FREM3: variants seen among roughly 807,000 people sequenced by gnomAD.
FREM3 encodes the protein FRAS1-related extracellular matrix protein 3.
In FREM3, 105 loss-of-function variants were observed where a neutral mutation model predicts 129.1. That is an observed-to-expected ratio of 0.81 (90% CI 0.69 to 0.96). The LOEUF (loss-of-function observed/expected upper bound fraction) is 0.96, where lower values mean the gene tolerates loss of function less well. Among genes scored for constraint, FREM3 ranks in the 40% least tolerant of loss-of-function variants. FREM3 has a pLI of 0.00. For missense variants in FREM3, 2,593 were observed against 2,666.3 expected (o/e 0.97, Z 0.61); for synonymous variants, 1,014 against 1,044.9 (o/e 0.97, Z 0.57).
chr4:143,697,552 C>A lies in FREM3; in HGVS notation c.3124G>T (p.Asp1042Tyr), dbSNP rs1283289306. The change falls in exon 1 of 8, where the codon GAT (aspartate) becomes TAT (tyrosine). Residue 1042 changes from aspartate (D) to tyrosine (Y), a missense_variant. By Grantham distance (160) the Asp-to-Tyr change is radical. Around this residue, in one of 2 missense-constraint regions of FREM3, gnomAD observed 2,276 missense variants for 2,267.2 expected, o/e 1.00. Coordinates refer to ENST00000329798, the MANE Select transcript of FREM3 (RefSeq NM_001168235.2). ...TTCCCCACTACCCATTGGTAAGAAT[C>A]TTTGGAGAGGATGAGGCTGAAGGCA... ...HDAFSLILSK[D>Y]SYQWVVGNSI... is the part of the protein sequence containing the mutation. 1 of 1,537,428 alleles carries A rather than the reference C, an allele frequency of 6.5e-7. No homozygotes were observed. The highest frequency in any genetic ancestry group is 8.7e-7 in the Non-Finnish European group (1 of 1,146,966).
chr4:143,691,892 T>A (rs1740477716), intron 2 of FREM3, among the ~76,000 whole-genome samples: 1 of 152,170 alleles, frequency 6.6e-6, no homozygotes, highest in African/African-American at 2.4e-5. Flanking sequence ...ATATTTGTCT[T>A]ACATTTATTT....
At chr4:143,636,506 G>T (rs1739236849) in intron 2 of FREM3, among the ~76,000 whole-genome samples, 1 of 151,916 alleles carries the variant, frequency 6.6e-6, no homozygotes, top group Admixed American at 6.6e-5. Context: ...GACTATTAAA[G>T]TAATAATAGA....
chr4:143,695,198 A>G (rs905913566), intron 1 of FREM3, among the ~76,000 whole-genome samples: 1 of 152,238 alleles, frequency 6.6e-6, no homozygotes, highest in African/African-American at 2.4e-5. Context: ...ATATAATGTT[A>G]TCTTCTAATA....
In FREM3 at chr4:143,577,705, A is replaced by T; in HGVS notation, c.6326T>A (p.Met2109Lys). 6.5e-7 allele frequency: 1 copy of T among 1,537,298 alleles called. No individual in the cohort carries two copies. The highest frequency in any genetic ancestry group is 8.7e-7 in the Non-Finnish European group (1 of 1,146,910). ...ATTTGGTTCTCCAAGCACTGCACCC[A>T]TAGGCATCTGAAGAAGTAATTCAAA... ...EKFELLLQMP[M>K]GAVLGEPNKT... Residue 2109 changes from methionine (M) to lysine (K), a missense_variant, in exon 8 of 8, where the codon ATG (methionine) becomes AAG (lysine). Transcript: ENST00000329798.
rs145231134 is a variant in FREM3 at position 143,652,835 on chromosome 4, G to A, written c.5276-25075C>T. On this transcript the variant is annotated intron_variant, in intron 2 of 7. Coordinates refer to ENST00000329798, the MANE Select transcript of FREM3 (RefSeq NM_001168235.2). ...ATAGAGATGGGGTTTTGCCATGTTG[G>A]CCAGGCTAGTCTTGAACTCCTGAGG... is the stretch of plus-strand genomic sequence containing the variant. Among the ~76,000 whole-genome samples, 1,157 of 152,104 alleles carry A rather than the reference G, an allele frequency of 7.6e-3. 16 individuals are homozygous for A. The highest frequency in any genetic ancestry group is 0.027 in the African/African-American group (1,103 of 41,488).
intron 2 of FREM3, among the ~76,000 whole-genome samples, chr4:143,667,576 A>G (rs1415418104): frequency 6.6e-6 from 1 of 152,146 alleles, no homozygotes; most frequent in Non-Finnish European, 1.5e-5. Flanking sequence ...ACTGGCACAC[A>G]TTCTGCTTTG....
At chr4:143,657,490 G>C (rs1739622665) in intron 2 of FREM3, among the ~76,000 whole-genome samples, 2 of 152,132 alleles carry the variant, frequency 1.3e-5, no homozygotes, top group Admixed American at 1.3e-4. Context: ...CAGCAGAGCT[G>C]GGACTGACCC....
intron 2 of FREM3, among the ~76,000 whole-genome samples, chr4:143,644,263 C>T (rs1739375892): frequency 6.6e-6 from 1 of 152,016 alleles, no homozygotes; most frequent in Non-Finnish European, 1.5e-5. Context: ...TTTTATCTTG[C>T]CCTTCTCCGT....
At chr4:143,663,702 C>T (rs987500317) in intron 2 of FREM3, among the ~76,000 whole-genome samples, 14 of 152,092 alleles carry the variant, frequency 9.2e-5, no homozygotes, top group Non-Finnish European at 1.9e-4. Flanking sequence ...TTCCATTCTA[C>T]CCATCACTTT....
intron 2 of FREM3, among the ~76,000 whole-genome samples, chr4:143,656,221 C>T (rs1739598054): frequency 6.6e-6 from 1 of 152,082 alleles, no homozygotes; most frequent in Non-Finnish European, 1.5e-5. Flanking sequence ...CCTCTTTCTA[C>T]TGAAATAAAG....
In FREM3 at chr4:143,621,092, T is replaced by TACTGGAATC; in HGVS notation, c.5715_5723dup (p.Ile1906_Val1908dup). The TACTGGAATC allele has an allele frequency of 6.5e-7, 1 of 1,537,150 alleles. No individual in the cohort carries two copies. Among genetic ancestry groups the TACTGGAATC allele is most frequent in the Non-Finnish European group, 8.7e-7 (1 of 1,146,760 alleles). ...CCTGGCTTGCATCTCCAGATCGTCTTACTGGAATCAAAAGTTCCCCAATGT... is the reference window on the plus strand; with the variant it reads ...CCTGGCTTGCATCTCCAGATCGTCTTACTGGAATCACTGGAATCAAAAGTTCCCCAATGT... On this transcript the variant is annotated inframe_insertion, in exon 5 of 8. Coordinates refer to ENST00000329798, the MANE Select transcript of FREM3 (RefSeq NM_001168235.2).
At chr4:143,667,423 C>T (rs964411973) in intron 2 of FREM3, among the ~76,000 whole-genome samples, 3 of 151,942 alleles carry the variant, frequency 2.0e-5, no homozygotes, top group Non-Finnish European at 4.4e-5. Context: ...AATCAAACTA[C>T]TTTAAAAAAA....
At position 143,585,839 on chromosome 4, in the gene FREM3, C is replaced by T; in HGVS notation, c.6178+5G>A. 6.5e-7 allele frequency: 1 copy of T among 1,537,174 alleles called. No individual in the cohort carries two copies. Among genetic ancestry groups the T allele is most frequent in the Non-Finnish European group, 8.7e-7 (1 of 1,146,876 alleles). On this transcript the variant is annotated splice_donor_5th_base_variant and intron_variant, in intron 7 of 7. Transcript: ENST00000329798. The surrounding 1 kb of genome is among the most constrained non-coding windows in gnomAD (Gnocchi z 4.2). ...AATGATATATTCTTTAAGTGGCCCT[C>T]TCACCTTCTGCTGACTCCTGCTCTG...
intron 2 of FREM3, among the ~76,000 whole-genome samples, chr4:143,666,098 T>A (rs1177483246): frequency 6.6e-6 from 1 of 152,116 alleles, no homozygotes; most frequent in African/African-American, 2.4e-5. Context: ...TTTACAAACT[T>A]AAATTATTTT....
At chr4:143,588,440 G>A (rs1218277344) in intron 6 of FREM3, among the ~76,000 whole-genome samples, 4 of 138,070 alleles carry the variant, frequency 2.9e-5, no homozygotes, top group Non-Finnish European at 4.5e-5. Flanking sequence ...TCTCCTTCCT[G>A]TGTCCATGTG....
chr4:143,700,382 C>G lies in FREM3; in HGVS notation c.294G>C (p.Thr98=), dbSNP rs1017068293. ...TGAGCCGCGGCAGGGCGTCCAGTACCGTGACTTCGCACCGGTCCCCCGGCT... is the reference window on the plus strand; with the variant it reads ...TGAGCCGCGGCAGGGCGTCCAGTACGGTGACTTCGCACCGGTCCCCCGGCT... The part of the protein sequence containing the change: ...GVQPGDRCEV[T]VLDALPRLKG... The change falls in exon 1 of 8, where the codon ACG becomes ACC. Residue 98 remains threonine, a synonymous_variant. Transcript: ENST00000329798. 6.5e-7 allele frequency: 1 copy of G among 1,534,940 alleles called. No homozygotes were observed. The highest frequency in any genetic ancestry group is 1.4e-5 in the African/African-American group (1 of 73,020).
Position 143,699,706 on chromosome 4 carries a change from C to A in FREM3, c.970G>T (p.Ala324Ser), listed in dbSNP as rs375427316. ...MMEVDPLVLT[A>S]LTPDALAAED... ...GCGGCCAGTGCGTCAGGCGTCAGGG[C>A]TGTCAGCACCAGTGGATCCACCTCC... The change falls in exon 1 of 8, where the codon GCC becomes TCC. Residue 324 changes from alanine (A) to serine (S), a missense_variant. Transcript: ENST00000329798. The surrounding 1 kb of genome is among the most constrained non-coding windows in gnomAD (Gnocchi z 4.2). 8.7e-5 allele frequency: 133 copies of A among 1,520,564 alleles called. 1 individual carries two copies. The African/African-American group carries it at 1.6e-3, about 18-fold the overall frequency. 94.2% of individuals were successfully genotyped at this position (1,520,564 alleles called of 1,614,324 possible).
chr4:143,609,828 A>G (rs1738725237), intron 6 of FREM3, among the ~76,000 whole-genome samples: 1 of 152,184 alleles, frequency 6.6e-6, no homozygotes, highest in Non-Finnish European at 1.5e-5. Flanking sequence ...TTCTGTTGGG[A>G]AAACAGCAGA....
At chr4:143,675,428 A>G (rs1740096902) in intron 2 of FREM3, among the ~76,000 whole-genome samples, 1 of 152,312 alleles carries the variant, frequency 6.6e-6, no homozygotes, top group Non-Finnish European at 1.5e-5. Context: ...AATGCCCACA[A>G]GAGAAAGCAG....
Sources: allele counts gnomAD v4.1 joint callset (sites outside exome capture counted in the v4.1 genomes callset), GRCh38; gene constraint gnomAD v4.1.1; regional missense constraint gnomAD v4.1.1; non-coding constraint Gnocchi (gnomAD v3.1); transcripts MANE v1.5; gene names NCBI Gene and HGNC (gene_info 2026-07-23, HGNC 2026-07-21).